COL5A2: variants seen among roughly 807,000 people sequenced by gnomAD.
COL5A2 encodes the protein collagen type V alpha 2 chain, also known as collagen alpha-2(V) chain.
COL5A2 carries 23 observed loss-of-function variants against 208.2 expected under a neutral mutation model. That is an observed-to-expected ratio of 0.11 (90% CI 0.08 to 0.16). The LOEUF is 0.16. Ranked by LOEUF, COL5A2 falls within the 10% of genes least tolerant of loss-of-function variation. The pLI is 1.00. For synonymous variants in COL5A2, 625 were observed against 628.5 expected (o/e 0.99, Z 0.08); for missense variants, 1,590 against 1,956.4 (o/e 0.81, Z 3.53).
the COL5A2 span, among the ~76,000 whole-genome samples, chr2:189,287,705 T>C: frequency 6.6e-6 from 1 of 152,178 alleles, no homozygotes; most frequent in Admixed American, 6.5e-5. Context: ...AATACACATA[T>C]AAAACCAGCT....
rs188813554 is a variant in COL5A2, at chr2:189,065,389, G to A, written c.1564-332C>T. Among the ~76,000 whole-genome samples the A allele has an allele frequency of 6.6e-5, 10 of 152,220 alleles. No homozygotes were observed. The East Asian group carries it at 1.9e-3, about 29-fold the overall frequency. On this transcript the variant is annotated intron_variant, in intron 23 of 53. Coordinates refer to ENST00000374866, the MANE Select transcript of COL5A2 (RefSeq NM_000393.5). ...TACTAAAAATACAAAAATTAGCTGG[G>A]TATAGTGGCAAGTGCCTGTATCCCA... is the stretch of plus-strand genomic sequence containing the variant.
the COL5A2 span, among the ~76,000 whole-genome samples, chr2:189,370,173 T>C: frequency 6.4e-4 from 97 of 152,296 alleles, 2 homozygotes; most frequent in South Asian, 0.019. Context: ...ATTGTCTTTT[T>C]TCTGGCTTTA....
At chr2:189,322,163 G>A in the COL5A2 span, among the ~76,000 whole-genome samples, 1 of 152,160 alleles carries the variant, frequency 6.6e-6, no homozygotes, top group Non-Finnish European at 1.5e-5. Flanking sequence ...GAATCTCTGG[G>A]ACACATTTAA....
At chr2:189,271,658 T>C in the COL5A2 span, among the ~76,000 whole-genome samples, 1 of 152,060 alleles carries the variant, frequency 6.6e-6, no homozygotes, top group Non-Finnish European at 1.5e-5. Context: ...AGTTGATAAA[T>C]GGGATCTAAT....
At chr2:189,044,610 G>A (rs757631353) in intron 47 of COL5A2, among the ~76,000 whole-genome samples, 2 of 152,084 alleles carry the variant, frequency 1.3e-5, no homozygotes, top group Admixed American at 6.6e-5. Context: ...ATATGGCCAT[G>A]ATTTTCAAAG....
At chr2:189,324,522 T>C in the COL5A2 span, among the ~76,000 whole-genome samples, 1 of 152,136 alleles carries the variant, frequency 6.6e-6, no homozygotes, top group Non-Finnish European at 1.5e-5. Flanking sequence ...AGCAGACATT[T>C]CTCAAAAGAA....
Position 189,045,165 on chromosome 2 carries a change from A to G in COL5A2, c.3363+14T>C, listed in dbSNP as rs1685639266. 8 of 1,592,864 alleles carry G rather than the reference A, an allele frequency of 5.0e-6. No homozygotes were observed. The South Asian group carries it at 6.9e-5, about 14-fold the overall frequency. On this transcript the variant is annotated intron_variant, in intron 47 of 53. Coordinates refer to ENST00000374866, the MANE Select transcript of COL5A2 (RefSeq NM_000393.5). ...AAGAAAACATTTTTTAAAAAACAAA[A>G]AAAGAGAACTTACAGGTAATCCACG... is the stretch of plus-strand genomic sequence containing the variant.
intron 7 of COL5A2, among the ~76,000 whole-genome samples, chr2:189,091,179 T>G (rs1360847085): frequency 2.0e-5 from 3 of 152,144 alleles, no homozygotes; most frequent in African/African-American, 7.2e-5. Context: ...TTGGGGGAAG[T>G]AATTGCAGAT....
the COL5A2 span, among the ~76,000 whole-genome samples, chr2:189,245,323 A>G: frequency 2.0e-5 from 3 of 152,182 alleles, no homozygotes; most frequent in African/African-American, 2.4e-5. Flanking sequence ...TACCCACTCC[A>G]GGCACAGAAA....
chr2:189,356,383 G>C, the COL5A2 span, among the ~76,000 whole-genome samples: 1 of 152,168 alleles, frequency 6.6e-6, no homozygotes, highest in African/African-American at 2.4e-5. Context: ...ATCAAACGTA[G>C]ATTTGGTCTT....
chr2:189,352,757 T>C, the COL5A2 span, among the ~76,000 whole-genome samples: 2 of 152,206 alleles, frequency 1.3e-5, no homozygotes, highest in Non-Finnish European at 2.9e-5. Flanking sequence ...ACTCTGATGA[T>C]AGTTTCTTTT....
chr2:189,240,279 T>C, the COL5A2 span, among the ~76,000 whole-genome samples: 2 of 152,172 alleles, frequency 1.3e-5, no homozygotes, highest in African/African-American at 4.8e-5. Flanking sequence ...TGTCAGAAGA[T>C]TTGATTCTTA....
At chr2:189,220,766 G>A (rs1004244276) in intron 1 of COL5A2, among the ~76,000 whole-genome samples, 2 of 152,164 alleles carry the variant, frequency 1.3e-5, no homozygotes, top group Admixed American at 6.6e-5. Context: ...TAGCATCTCA[G>A]TATCATTTCT....
intron 1 of COL5A2, among the ~76,000 whole-genome samples, chr2:189,155,252 T>G (rs1053633414): frequency 6.6e-6 from 1 of 152,226 alleles, no homozygotes; most frequent in Non-Finnish European, 1.5e-5. Context: ...CCTCCCAAAG[T>G]GCTAGGATAA....
intron 1 of COL5A2, among the ~76,000 whole-genome samples, chr2:189,194,636 T>C (rs1455482844): frequency 6.6e-6 from 1 of 152,196 alleles, no homozygotes; most frequent in African/African-American, 2.4e-5. Context: ...TAAAATGTTA[T>C]AAATGAGAGT....
At chr2:189,417,491 A>AG in the COL5A2 span, among the ~76,000 whole-genome samples, 3 of 151,822 alleles carry the variant, frequency 2.0e-5, no homozygotes, top group Non-Finnish European at 4.4e-5. Context: ...TTTCTATATA[A>AG]ATTTCCAGAT....
chr2:189,167,192 A>G (rs1007712227), intron 1 of COL5A2, among the ~76,000 whole-genome samples: 1 of 152,232 alleles, frequency 6.6e-6, no homozygotes, highest in Admixed American at 6.5e-5. Context: ...GCACCCAAGG[A>G]AAGTCAAGAG....
chr2:189,312,071 A>T, the COL5A2 span: 2 of 765,850 alleles, frequency 2.6e-6, no homozygotes, highest in Non-Finnish European at 4.8e-6. Flanking sequence ...CAAGATGGGC[A>T]TTGTCGATCT....
intron 1 of COL5A2, among the ~76,000 whole-genome samples, chr2:189,216,997 GA>G (rs1052156345): frequency 1.3e-5 from 2 of 152,082 alleles, no homozygotes; most frequent in East Asian, 1.9e-4. Context: ...AAAAGAGAGA[GA>G]GGGGGAAAGT....
Sources: gnomAD v4.1 joint callset for allele counts (sites outside exome capture counted in the v4.1 genomes callset) on GRCh38, gnomAD v4.1.1 for gene constraint, MANE v1.5 for transcripts, NCBI Gene and HGNC (gene_info 2026-07-23, HGNC 2026-07-21) for gene names.